The following BRAP variants were observed in gnomAD, a reference collection of about 807,000 sequenced individuals.
The protein encoded by BRAP is BRCA1 associated protein.
A neutral mutation model predicts 73.4 loss-of-function variants in BRAP; 42 were observed. That is an observed-to-expected ratio of 0.57 (90% confidence interval 0.45 to 0.74). BRAP has a LOEUF of 0.74. Ranked by LOEUF, BRAP falls within the 30% of genes least tolerant of loss-of-function variation. BRAP has a pLI of 0.00. For synonymous variants in BRAP, 255 were observed against 267.4 expected (o/e 0.95, Z 0.45); for missense variants, 593 against 751.4 (o/e 0.79, Z 2.46).
chr12:111,678,973 G>A (rs574526785), intron 4 of BRAP, among the ~76,000 whole-genome samples, 178 bp downstream of exon 4: 4 of 151,542 alleles, frequency 2.6e-5, no homozygotes, highest in Admixed American at 6.6e-5. Flanking sequence ...AAGTGTATAC[G>A]TTATAATTGT....
intron 6 of BRAP, among the ~76,000 whole-genome samples, chr12:111,663,682 T>TG (rs751316885): frequency 6.6e-6 from 1 of 152,140 alleles, no homozygotes; most frequent in Non-Finnish European, 1.5e-5. Flanking sequence ...GAACCACATG[T>TG]GTTTATGTCC....
chr12:111,648,502 C>CTCG (rs758114311), intron 11 of BRAP, among the ~76,000 whole-genome samples: 3 of 144,554 alleles, frequency 2.1e-5, no homozygotes, highest in Non-Finnish European at 4.5e-5. Context: ...GTCTTAGCTA[C>CTCG]TCGGGAGGCT....
intron 1 of BRAP, among the ~76,000 whole-genome samples, chr12:111,684,767 CAAGCG>C (rs1013237325): frequency 3.3e-5 from 5 of 151,888 alleles, no homozygotes; most frequent in African/African-American, 1.2e-4. Context: ...CTCCCGGGTT[CAAGCG>C]ATTCTCCTGC....
At chr12:111,652,643 G>A (rs979446830) in intron 10 of BRAP, among the ~76,000 whole-genome samples, 7 of 152,324 alleles carry the variant, frequency 4.6e-5, no homozygotes, top group Middle Eastern at 3.4e-3. Flanking sequence ...TGGGAGGGCC[G>A]TGGCAGAAGG....
At chr12:111,674,559 C>CATGA (rs576978848) in intron 4 of BRAP, among the ~76,000 whole-genome samples, 3 of 152,112 alleles carry the variant, frequency 2.0e-5, no homozygotes, top group Admixed American at 6.6e-5. Context: ...GCTTTCTTAA[C>CATGA]ATGACCAAGT....
intron 11 of BRAP, among the ~76,000 whole-genome samples, chr12:111,644,766 T>C (rs1886043225): frequency 6.6e-6 from 1 of 151,930 alleles, no homozygotes; most frequent in South Asian, 2.1e-4. Context: ...ACAAGTGTAT[T>C]TTTTTTTGAG....
chr12:111,677,033 T>C (rs1887409103), intron 4 of BRAP, among the ~76,000 whole-genome samples: 1 of 152,146 alleles, frequency 6.6e-6, no homozygotes, highest in Non-Finnish European at 1.5e-5. Context: ...GAAAAACATG[T>C]CAACTTGAGC....
intron 9 of BRAP, among the ~76,000 whole-genome samples, 153 bp from the exon 10 acceptor site, chr12:111,655,808 A>G (rs1016793718): frequency 6.6e-6 from 1 of 152,202 alleles, no homozygotes; most frequent in African/African-American, 2.4e-5. Context: ...CTCAATATAT[A>G]CTGGACCAGG....
intron 4 of BRAP, among the ~76,000 whole-genome samples, chr12:111,674,689 T>C (rs1815237747): frequency 1.3e-5 from 2 of 152,194 alleles, no homozygotes; most frequent in Non-Finnish European, 2.9e-5. Context: ...GTATTGAGCA[T>C]AGTGCATTAC....
Position 111,651,394 on chromosome 12 carries a change from C to T in BRAP, c.1312-1352G>A, listed in dbSNP as rs180671334. Among the ~76,000 whole-genome samples, 14 of 151,792 alleles carry T rather than the reference C, an allele frequency of 9.2e-5. No individual in the cohort carries two copies. The East Asian group carries it at 2.8e-3, about 30-fold the overall frequency. On this transcript the variant is annotated intron_variant, in intron 10 of 11. Coordinates refer to ENST00000419234, the MANE Select transcript of BRAP (RefSeq NM_006768.5). ...CTCTACTAAAAATACAAACATTAGT[C>T]GGGCACAGTGGCAGGCGCCTGTAAT... is the stretch of plus-strand genomic sequence containing the variant.
chr12:111,660,535 G>C lies in BRAP; in HGVS notation c.972+65C>G, dbSNP rs1886706738. 6 of 1,371,568 alleles carry C rather than the reference G, an allele frequency of 4.4e-6. No homozygotes were observed. The South Asian group carries it at 8.6e-5, about 20-fold the overall frequency. The allele number at this position is 1,371,568 out of a possible 1,614,324, so 85.0% of individuals were successfully genotyped here. ...AAAATAAAGAACTTAAGTCATACCA[G>C]GCAGAAGAAAACTCATGACAATTAA... On this transcript the variant is annotated intron_variant, in intron 7 of 11. Transcript: ENST00000419234.
chr12:111,685,653 G>T (rs1887796122), intron 1 of BRAP, 58 bp downstream of exon 1: 1 of 1,551,064 alleles, frequency 6.4e-7, no homozygotes. Context: ...CTTTGGGAAG[G>T]GAAGCCCTCC....
Position 111,685,879 on chromosome 12 carries a change from G to GCGCCGCCAC in BRAP, c.-96_-88dup, listed in dbSNP as rs1424899335. 3.3e-6 allele frequency: 3 copies of GCGCCGCCAC among 913,888 alleles called. No homozygotes were observed. In the African/African-American group the frequency reaches 5.3e-5, roughly 16 times the overall value. The allele number at this position is 913,888 out of a possible 1,614,324, so 56.6% of individuals were successfully genotyped here. ...GAGGCCGAGCGGCCCGGGGCCGGCA[G>GCGCCGCCAC]CGCCGCCACCACCTCAATGCAGTTG... is the stretch of plus-strand genomic sequence containing the variant. On this transcript the variant is annotated 5_prime_UTR_variant, in exon 1 of 12. Transcript: ENST00000419234.
intron 11 of BRAP, among the ~76,000 whole-genome samples, chr12:111,649,407 C>T (rs1292088292): frequency 6.6e-6 from 1 of 152,244 alleles, no homozygotes; most frequent in African/African-American, 2.4e-5. Context: ...CCTGCCTCAG[C>T]CTCCCAAAGT....
intron 9 of BRAP, among the ~76,000 whole-genome samples, chr12:111,657,662 G>A (rs1041307593): frequency 3.3e-5 from 5 of 152,034 alleles, no homozygotes; most frequent in Non-Finnish European, 5.9e-5. Flanking sequence ...GGCGGACCAC[G>A]AGGTCAGGAG....
chr12:111,678,132 A>T (rs1250803455), intron 4 of BRAP, among the ~76,000 whole-genome samples: 1 of 150,416 alleles, frequency 6.6e-6, no homozygotes, highest in East Asian at 2.0e-4. Context: ...CATGCCTATA[A>T]TCCCAGCTAC....
chr12:111,683,284 TCTC>T lies in BRAP; in HGVS notation c.103_105del (p.Glu35del), dbSNP rs766845880. The T allele has an allele frequency of 3.7e-6, 6 of 1,612,060 alleles. No homozygotes were observed. Among genetic ancestry groups the T allele is most frequent in the African/African-American group, 1.3e-5 (1 of 74,844 alleles). On this transcript the variant is annotated inframe_deletion, in exon 2 of 12. Coordinates refer to ENST00000419234, the MANE Select transcript of BRAP (RefSeq NM_006768.5). Reference sequence around the variant, plus strand: ...GCTGAGGCTAGTGTCGTCTTTTTTATCTCCTCATCAGACATTTCCCCGGCTAAA... The same window carrying T: ...GCTGAGGCTAGTGTCGTCTTTTTTATCTCATCAGACATTTCCCCGGCTAAA...
At chr12:111,650,224 T>C (rs1158073830) in intron 10 of BRAP, among the ~76,000 whole-genome samples, 182 bp from the exon 11 acceptor site, 1 of 152,190 alleles carries the variant, frequency 6.6e-6, no homozygotes, top group South Asian at 2.1e-4. Context: ...GAGGTAATCA[T>C]TTGAAAGAAT....
chr12:111,657,609 G>A (rs2135904441), intron 9 of BRAP, among the ~76,000 whole-genome samples: 1 of 152,246 alleles, frequency 6.6e-6, no homozygotes, highest in South Asian at 2.1e-4. Context: ...GCCGGGTACG[G>A]TGGCTCATGC....
Sources: gnomAD v4.1 joint callset for allele counts (sites outside exome capture counted in the v4.1 genomes callset) on GRCh38, gnomAD v4.1.1 for gene constraint, MANE v1.5 for transcripts, NCBI Gene and HGNC (gene_info 2026-07-23, HGNC 2026-07-21) for gene names.